The following RICTOR variants were observed in gnomAD, a reference collection of about 807,000 sequenced individuals.
RICTOR encodes the protein RPTOR independent companion of MTOR complex 2, also known as rapamycin-insensitive companion of mTOR.
In RICTOR, 49 loss-of-function variants were observed where a neutral mutation model predicts 214.9. That is an observed-to-expected ratio of 0.23 (90% CI 0.18 to 0.29). The LOEUF is 0.29. Among genes scored for constraint, RICTOR ranks in the 10% least tolerant of loss-of-function variants. The pLI is 1.00. For synonymous variants in RICTOR, 717 were observed against 711.3 expected (o/e 1.01, Z -0.13); for missense variants, 1,625 against 2,047.0 (o/e 0.79, Z 3.98).
At chr5:38,974,815 TATGG>T (rs1700655735) in intron 10 of RICTOR, among the ~76,000 whole-genome samples, 1 of 152,208 alleles carries the variant, frequency 6.6e-6, no homozygotes, top group Admixed American at 6.5e-5. Flanking sequence ...TAAACATTTG[TATGG>T]AAAAGGTATT....
Position 38,938,970 on chromosome 5 carries a change from A to G in RICTOR, c.*3334T>C, listed in dbSNP as rs1470656205. ...GTGAATCTGAGACAAAAGTGGAAGC[A>G]TAAGACTAAAGGAGAAAAAACCTTA... is the stretch of plus-strand genomic sequence containing the variant. On this transcript the variant is annotated 3_prime_UTR_variant, in exon 38 of 38. Coordinates refer to ENST00000357387, the MANE Select transcript of RICTOR (RefSeq NM_152756.5). 2 of 232,986 alleles carry G rather than the reference A, an allele frequency of 8.6e-6. No homozygotes were observed. Among genetic ancestry groups the G allele is most frequent in the Non-Finnish European group, 8.5e-6 (1 of 117,698 alleles). The allele number at this position is 232,986 out of a possible 1,614,324, so 14.4% of individuals were successfully genotyped here. A position where few individuals can be genotyped will look rare whatever the true frequency, so the allele number is the denominator to read the frequency against.
intron 36 of RICTOR, 184 bp from the exon 37 acceptor site, chr5:38,943,155 TGG>T (rs201162851): frequency 1.0e-4 from 39 of 373,712 alleles, no homozygotes; most frequent in East Asian, 5.7e-4. Context: ...ATTCTGAGTT[TGG>T]GTTTTTTTTT....
Position 39,003,633 on chromosome 5 carries a change from A to C in RICTOR, c.196-11T>G, listed in dbSNP as rs1753813314. On this transcript the variant is annotated splice_polypyrimidine_tract_variant and intron_variant, in intron 3 of 37. Transcript: ENST00000357387. ...AATATCACAAAGAAGCTGTCAGAAA[A>C]ACAAAATAAGTGTGCATTTATGTGT... The C allele has an allele frequency of 6.3e-7, 1 of 1,587,344 alleles. No homozygotes were observed. Among genetic ancestry groups the C allele is most frequent in the Non-Finnish European group, 8.6e-7 (1 of 1,158,456 alleles).
intron 2 of RICTOR, among the ~76,000 whole-genome samples, chr5:39,022,741 T>G (rs575928673): frequency 6.6e-6 from 1 of 152,148 alleles, no homozygotes; most frequent in Non-Finnish European, 1.5e-5. Flanking sequence ...AACTTAACCA[T>G]GAATGGCCTG....
chr5:39,070,862 C>T (rs1759271785), intron 2 of RICTOR, among the ~76,000 whole-genome samples: 2 of 152,186 alleles, frequency 1.3e-5, no homozygotes, highest in South Asian at 4.1e-4. Context: ...TACATTTTGG[C>T]ATGCATTACA....
chr5:38,953,986 G>A (rs1288217695), intron 27 of RICTOR, among the ~76,000 whole-genome samples: 1 of 151,750 alleles, frequency 6.6e-6, no homozygotes, highest in Non-Finnish European at 1.5e-5. Flanking sequence ...GTAACACTGA[G>A]AAAATCATTT....
intron 36 of RICTOR, 149 bp downstream of exon 36, chr5:38,944,297 A>G (rs1747933387): frequency 1.3e-6 from 1 of 783,342 alleles, no homozygotes; most frequent in African/African-American, 1.7e-5. Context: ...CTGAAGTATT[A>G]AAGAAAATCT....
chr5:38,952,409 G>C lies in RICTOR; in HGVS notation c.2914C>G (p.Leu972Val). The change falls in exon 30 of 38, where the codon CTT becomes GTT. Residue 972 changes from leucine (L) to valine (V), a missense_variant. Physicochemically the swap from Leu to Val is conservative, Grantham distance 32 (BLOSUM62 1). Coordinates refer to ENST00000357387, the MANE Select transcript of RICTOR (RefSeq NM_152756.5). Reference sequence around the variant, plus strand: ...TGTTTGGTTTTAGCTATGAGCCCAAGTACATATACACAGGTCCTGTATATA... The same window carrying C: ...TGTTTGGTTTTAGCTATGAGCCCAACTACATATACACAGGTCCTGTATATA... ...LSIRGTCVYV[L>V]GLIAKTKQGC... 1 of 1,608,464 alleles carries C rather than the reference G, an allele frequency of 6.2e-7. No homozygotes were observed. Among genetic ancestry groups the C allele is most frequent in the African/African-American group, 1.3e-5 (1 of 74,836 alleles).
intron 3 of RICTOR, among the ~76,000 whole-genome samples, chr5:39,007,028 T>G (rs1754139731): frequency 6.6e-6 from 1 of 152,100 alleles, no homozygotes. Flanking sequence ...TAACATAAAA[T>G]TTTCTAAGTT....
chr5:39,065,285 T>G (rs759484448), intron 2 of RICTOR, among the ~76,000 whole-genome samples: 94 of 152,160 alleles, frequency 6.2e-4, no homozygotes, highest in Admixed American at 9.2e-4. Flanking sequence ...CACAGGCTTT[T>G]AAATAACCAG....
chr5:39,057,191 TAATAA>T (rs1312537476), intron 2 of RICTOR, among the ~76,000 whole-genome samples: 1 of 152,152 alleles, frequency 6.6e-6, no homozygotes, highest in African/African-American at 2.4e-5. Context: ...TTTGAAGGAC[TAATAA>T]TATATAGGAT....
chr5:39,073,866 C>G (rs1028464052), intron 2 of RICTOR, among the ~76,000 whole-genome samples: 1 of 152,156 alleles, frequency 6.6e-6, no homozygotes, highest in African/African-American at 2.4e-5. Context: ...GGGGCTCCCC[C>G]GCACCCGCAG....
intron 5 of RICTOR, among the ~76,000 whole-genome samples, chr5:39,000,736 A>G (rs1753553365): frequency 1.3e-5 from 2 of 152,132 alleles, no homozygotes; most frequent in East Asian, 1.9e-4. Flanking sequence ...AAAGTAATCT[A>G]CAAACAACCA....
intron 2 of RICTOR, among the ~76,000 whole-genome samples, chr5:39,042,610 A>G (rs946141540): frequency 2.6e-5 from 4 of 152,198 alleles, no homozygotes; most frequent in African/African-American, 9.7e-5. Context: ...ATGTACCTTC[A>G]GTGTTCATAC....
intron 2 of RICTOR, among the ~76,000 whole-genome samples, chr5:39,046,195 A>AG (rs35283825): frequency 6.6e-6 from 1 of 150,760 alleles, no homozygotes; most frequent in Non-Finnish European, 1.5e-5. Context: ...TACAAAAATT[A>AG]GGGGAAAAAA....
chr5:38,978,680 T>C, intron 8 of RICTOR, 30 bp from the exon 9 acceptor site: 1 of 1,128,988 alleles, frequency 8.9e-7, no homozygotes, highest in Non-Finnish European at 1.3e-6. Flanking sequence ...AAGAAAAGAG[T>C]CTTTATTTTA....
intron 5 of RICTOR, among the ~76,000 whole-genome samples, chr5:39,002,179 A>C (rs1028124877): frequency 1.3e-5 from 2 of 151,844 alleles, no homozygotes; most frequent in South Asian, 4.2e-4. Flanking sequence ...CAAAAAAAAA[A>C]AAAAAAAAAA....
intron 11 of RICTOR, chr5:38,970,233 C>T (rs1047947116): frequency 1.8e-4 from 27 of 152,146 alleles, no homozygotes; most frequent in African/African-American, 6.3e-4. Context: ...CTATCATTAA[C>T]CAATGCATGA....
chr5:38,994,999 T>C (rs2150089982), intron 6 of RICTOR, among the ~76,000 whole-genome samples: 1 of 152,222 alleles, frequency 6.6e-6, no homozygotes, highest in Non-Finnish European at 1.5e-5. Context: ...ACTAAAGTTT[T>C]CCGGGGGCTC....
Sources: gnomAD v4.1 joint callset for allele counts (sites outside exome capture counted in the v4.1 genomes callset) on GRCh38, gnomAD v4.1.1 for gene constraint, MANE v1.5 for transcripts, NCBI Gene and HGNC (gene_info 2026-07-23, HGNC 2026-07-21) for gene names.